Variants in EIF4G3 observed in about 807,000 individuals in gnomAD.
The protein encoded by EIF4G3 is eIF-4-gamma 3.
EIF4G3 carries 34 observed loss-of-function variants against 186.4 expected under a neutral mutation model. That is an observed-to-expected ratio of 0.18 (90% CI 0.14 to 0.24). The LOEUF (loss-of-function observed/expected upper bound fraction) is 0.24, where lower values mean the gene tolerates loss of function less well. Ranked by LOEUF, EIF4G3 falls within the 10% of genes least tolerant of loss-of-function variation. The pLI is 1.00. For missense variants in EIF4G3, 1,536 were observed against 1,948.5 expected (o/e 0.79, Z 3.99); for synonymous variants, 673 against 679.5 (o/e 0.99, Z 0.15).
In EIF4G3 at chr1:21,008,567, G is replaced by C. The variant is rs190412242; in HGVS notation, c.-66-5759C>G. Among the ~76,000 whole-genome samples, 14 of 152,250 alleles carry C rather than the reference G, an allele frequency of 9.2e-5. No individual in the cohort carries two copies. In the East Asian group the frequency reaches 2.7e-3, roughly 29 times the overall value. On this transcript the variant is annotated intron_variant, in intron 4 of 36. Transcript: ENST00000602326. ...TTGGTCAGGCTGGTCTCAAACTCCT[G>C]ACCTCAGGTGATCCACCGGGCTCAG...
At chr1:20,866,139 G>C (rs1328069939) in intron 20 of EIF4G3, among the ~76,000 whole-genome samples, 1 of 152,156 alleles carries the variant, frequency 6.6e-6, no homozygotes, top group Non-Finnish European at 1.5e-5. Context: ...TGAAATGTAT[G>C]TATGGTCTTT....
intron 2 of EIF4G3, among the ~76,000 whole-genome samples, chr1:21,156,971 C>T (rs975254848): frequency 1.3e-5 from 2 of 152,098 alleles, no homozygotes; most frequent in African/African-American, 2.4e-5. Flanking sequence ...GGCAGAAGTA[C>T]TGCGTGAGCC....
At chr1:20,898,498 T>C (rs2089191665) in intron 16 of EIF4G3, among the ~76,000 whole-genome samples, 1 of 152,182 alleles carries the variant, frequency 6.6e-6, no homozygotes, top group Admixed American at 6.5e-5. Flanking sequence ...AAAACAATAC[T>C]TATTCTTACT....
intron 18 of EIF4G3, among the ~76,000 whole-genome samples, chr1:20,888,713 T>C (rs1175886811): frequency 6.6e-6 from 1 of 152,136 alleles, no homozygotes; most frequent in East Asian, 1.9e-4. Flanking sequence ...ATATAAACCA[T>C]GTAAAAGGAC....
rs2094174316 is a variant in EIF4G3, at chr1:21,050,907, C to A, written c.-108G>T. On this transcript the variant is annotated 5_prime_UTR_variant, in exon 4 of 37. Transcript: ENST00000602326. ...GACGATGCATGTCCCGGGGGCGTTG[C>A]CGCAAGATTTGGATGCCCCTTGTTT... 6 of 713,898 alleles carry A rather than the reference C, an allele frequency of 8.4e-6. No individual in the cohort carries two copies. The highest frequency in any genetic ancestry group is 1.3e-5 in the Non-Finnish European group (5 of 384,088). 44.2% of individuals were successfully genotyped at this position (713,898 alleles called of 1,614,324 possible).
chr1:20,858,225 A>G (rs1178954358), intron 24 of EIF4G3, among the ~76,000 whole-genome samples: 1 of 152,160 alleles, frequency 6.6e-6, no homozygotes, highest in Non-Finnish European at 1.5e-5. Flanking sequence ...ATTCAGAGAA[A>G]AAGAGAAGAT....
chr1:21,165,583 A>C (rs999519758), intron 2 of EIF4G3, among the ~76,000 whole-genome samples: 2 of 152,178 alleles, frequency 1.3e-5, no homozygotes, highest in African/African-American at 2.4e-5. Flanking sequence ...ATCACACACA[A>C]AAAATACATT....
At position 20,979,173 on chromosome 1, in the gene EIF4G3, T is replaced by C. The variant is rs534101302; in HGVS notation, c.493+1161A>G. 9.5e-4 allele frequency among the ~76,000 whole-genome samples: 145 copies of C among 152,336 alleles called. 2 individuals carry two copies. The highest frequency in any genetic ancestry group is 3.2e-3 in the African/African-American group (135 of 41,582). ...GAGAAATGTAATATGAAGTAAAAAT[T>C]TGTTGAATGAAGTAAGTAATTTTTA... On this transcript the variant is annotated intron_variant, in intron 10 of 36. Coordinates refer to ENST00000602326, the MANE Select transcript of EIF4G3 (RefSeq NM_001391906.1).
intron 3 of EIF4G3, among the ~76,000 whole-genome samples, chr1:21,060,876 T>C (rs1410179391): frequency 6.6e-6 from 1 of 152,138 alleles, no homozygotes; most frequent in Non-Finnish European, 1.5e-5. Context: ...ATACTTTGTT[T>C]GAGCAGGTGG....
At chr1:21,011,485 C>T (rs1245045359) in intron 4 of EIF4G3, among the ~76,000 whole-genome samples, 1 of 152,184 alleles carries the variant, frequency 6.6e-6, no homozygotes, top group Non-Finnish European at 1.5e-5. Flanking sequence ...TACAATCCAT[C>T]AACCTTATTC....
At chr1:21,153,622 T>A (rs757810771) in intron 2 of EIF4G3, among the ~76,000 whole-genome samples, 28 of 152,162 alleles carry the variant, frequency 1.8e-4, no homozygotes, top group African/African-American at 5.8e-4. Flanking sequence ...GTGCAATGAA[T>A]TGCACAATTT....
chr1:20,977,178 C>G (rs1570153743), intron 10 of EIF4G3, among the ~76,000 whole-genome samples: 1 of 151,122 alleles, frequency 6.6e-6, no homozygotes. Flanking sequence ...TTTATGCACT[C>G]TATATTATTG....
intron 20 of EIF4G3, among the ~76,000 whole-genome samples, chr1:20,866,013 A>T (rs575165983): frequency 6.6e-6 from 1 of 152,296 alleles, no homozygotes; most frequent in East Asian, 1.9e-4. Flanking sequence ...TGCAGCAGGG[A>T]TTCTACTAAA....
At chr1:21,017,848 G>A (rs1249476148) in intron 4 of EIF4G3, among the ~76,000 whole-genome samples, 1 of 151,946 alleles carries the variant, frequency 6.6e-6, no homozygotes, top group Non-Finnish European at 1.5e-5. Context: ...CAAGCATTCT[G>A]GATAAGGGAC....
chr1:21,052,974 C>T (rs1450299674), intron 3 of EIF4G3, among the ~76,000 whole-genome samples: 2 of 151,802 alleles, frequency 1.3e-5, no homozygotes, highest in Admixed American at 6.6e-5. Context: ...CGCAAAGTGC[C>T]GAGATTGCAG....
intron 19 of EIF4G3, among the ~76,000 whole-genome samples, chr1:20,880,375 T>C (rs968812406): frequency 6.6e-6 from 1 of 152,248 alleles, no homozygotes; most frequent in Non-Finnish European, 1.5e-5. Context: ...ACTGCTTTTC[T>C]ATGTATTAGC....
At position 20,942,074 on chromosome 1, in the gene EIF4G3, T is replaced by C; in HGVS notation, c.1080A>G (p.Ser360=). 1 of 1,614,172 alleles carries C rather than the reference T, an allele frequency of 6.2e-7. No individual in the cohort carries two copies. Among genetic ancestry groups the C allele is most frequent in the Non-Finnish European group, 8.5e-7 (1 of 1,180,022 alleles). ...TAGGAATTGTGTCTTCTCTTGGGGA[T>C]GAGAGTTCACATCTGTCATCTATAG... is the stretch of plus-strand genomic sequence containing the variant. ...TTAIDDRCEL[S]SPREDTIPIP... Residue 360 remains serine (S), a synonymous_variant, in exon 14 of 37, where the codon TCA becomes TCG. Coordinates refer to ENST00000602326, the MANE Select transcript of EIF4G3 (RefSeq NM_001391906.1).
At chr1:20,932,325 AAAAAGGCTGTTT>A (rs1218421677) in intron 14 of EIF4G3, among the ~76,000 whole-genome samples, 2 of 152,196 alleles carry the variant, frequency 1.3e-5, no homozygotes, top group African/African-American at 4.8e-5. Flanking sequence ...CCATGTCAGC[AAAAAGGCTGTTT>A]TGCTTTTGTA....
intron 30 of EIF4G3, among the ~76,000 whole-genome samples, chr1:20,835,820 C>T (rs2154548666): frequency 6.6e-6 from 1 of 151,830 alleles, no homozygotes; most frequent in African/African-American, 2.4e-5. Flanking sequence ...ACCTACTGTC[C>T]CAGCTACTTG....
Sources: allele counts gnomAD v4.1 joint callset (sites outside exome capture counted in the v4.1 genomes callset), GRCh38; gene constraint gnomAD v4.1.1; transcripts MANE v1.5; gene names NCBI Gene and HGNC (gene_info 2026-07-23, HGNC 2026-07-21).